The following KCNMA1 variants were observed in gnomAD, a reference collection of about 807,000 sequenced individuals.
KCNMA1 encodes potassium calcium-activated channel subfamily M alpha 1, also known as Calcium-activated potassium channel subunit alpha-1.
A neutral mutation model predicts 140.0 loss-of-function variants in KCNMA1; 29 were observed. That is an observed-to-expected ratio of 0.21 (90% CI 0.15 to 0.28). The LOEUF is 0.28. Ranked by LOEUF, KCNMA1 falls within the 10% of genes least tolerant of loss-of-function variation. KCNMA1 has a pLI of 1.00. For missense variants in KCNMA1, 880 were observed against 1,602.2 expected, an observed-to-expected ratio of 0.55 and a Z score of 7.70; for synonymous variants, 612 against 611.9, an observed-to-expected ratio of 1.00 and a Z score of 0.00.
chr10:77,089,577 A>G (rs2096768451), intron 10 of KCNMA1, among the ~76,000 whole-genome samples: 1 of 152,208 alleles, frequency 6.6e-6, no homozygotes, highest in Non-Finnish European at 1.5e-5. Flanking sequence ...AACATACAAG[A>G]TAAGACCTAC....
chr10:77,020,872 C>T (rs753220492), intron 16 of KCNMA1: 8 of 152,066 alleles, frequency 5.3e-5, no homozygotes, highest in Non-Finnish European at 7.4e-5. Context: ...AGCTGTTTGA[C>T]TTTGGGCCAG....
At chr10:77,289,342 T>A (rs2072298862) in intron 2 of KCNMA1, among the ~76,000 whole-genome samples, 1 of 152,132 alleles carries the variant, frequency 6.6e-6, no homozygotes, top group Non-Finnish European at 1.5e-5. Flanking sequence ...CACATGTCAC[T>A]AAGTCCCTAA....
chr10:77,513,360 C>A (rs776712051), intron 1 of KCNMA1, among the ~76,000 whole-genome samples: 11 of 152,202 alleles, frequency 7.2e-5, no homozygotes, highest in Non-Finnish European at 1.2e-4. Flanking sequence ...CATCATCTCA[C>A]GCTATTGTCT....
rs1198155356 is a variant in KCNMA1 at position 76,977,599 on chromosome 10, T to C, written c.2267-7532A>G. On this transcript the variant is annotated intron_variant, in intron 19 of 27. Coordinates refer to ENST00000286628, the MANE Select transcript of KCNMA1 (RefSeq NM_001161352.2). ...GTAGTTTAATCTTCTCACATTTCCC[T>C]TGCTTTCCAGTCTCCACAAAGAACA... 6 of 702,974 alleles carry C rather than the reference T, an allele frequency of 8.5e-6. No individual in the cohort carries two copies. In the Admixed American group the frequency reaches 1.0e-4, roughly 12 times the overall value. 43.5% of individuals were successfully genotyped at this position (702,974 alleles called of 1,614,324 possible).
intron 1 of KCNMA1, among the ~76,000 whole-genome samples, chr10:77,592,593 T>C (rs1306070145): frequency 2.6e-5 from 4 of 152,192 alleles, no homozygotes; most frequent in African/African-American, 7.2e-5. Flanking sequence ...TGAGGTGCAG[T>C]TGGCATCCTT....
intron 1 of KCNMA1, among the ~76,000 whole-genome samples, chr10:77,482,388 A>C (rs1464403858): frequency 2.0e-5 from 3 of 152,274 alleles, no homozygotes; most frequent in Non-Finnish European, 4.4e-5. Context: ...CTGTGGGGAC[A>C]GGAGGCTTAG....
chr10:77,223,309 A>G (rs544778094), intron 3 of KCNMA1, among the ~76,000 whole-genome samples: 2 of 151,884 alleles, frequency 1.3e-5, no homozygotes, highest in South Asian at 4.2e-4. Flanking sequence ...TGTGACACAC[A>G]GTGTATTGGC....
chr10:77,366,327 C>T (rs1274024981), intron 2 of KCNMA1, among the ~76,000 whole-genome samples: 1 of 152,080 alleles, frequency 6.6e-6, no homozygotes, highest in Non-Finnish European at 1.5e-5. Context: ...TGCCACCATG[C>T]CCAGCTAATT....
At chr10:77,634,887 T>C (rs1272742201) in intron 1 of KCNMA1, 1 of 153,200 alleles carries the variant, frequency 6.5e-6, no homozygotes, top group Non-Finnish European at 1.4e-5. Context: ...CGTTACTGCA[T>C]ATAATGAGCT....
intron 2 of KCNMA1, among the ~76,000 whole-genome samples, chr10:77,355,847 G>A (rs11002135): frequency 0.17 from 23,521 of 135,982 alleles, 2,591 homozygotes; most frequent in African/African-American, 0.34. Flanking sequence ...CTGGTAAAAG[G>A]AGAAGGCAGA....
At chr10:77,457,535 T>C (rs966153095) in intron 1 of KCNMA1, among the ~76,000 whole-genome samples, 90 of 152,276 alleles carry the variant, frequency 5.9e-4, no homozygotes, top group Non-Finnish European at 3.1e-4. Flanking sequence ...CTTCCCCCTC[T>C]AGCCCTAGGA....
At chr10:76,935,490 T>A in intron 23 of KCNMA1, among the ~76,000 whole-genome samples, 1 of 152,188 alleles carries the variant, frequency 6.6e-6, no homozygotes, top group East Asian at 1.9e-4. Context: ...ATGGGAAAGG[T>A]ACCTAATTCC....
chr10:77,001,628 G>A, intron 18 of KCNMA1, 48 bp from the exon 19 acceptor site: 1 of 1,482,036 alleles, frequency 6.7e-7, no homozygotes, highest in Non-Finnish European at 9.2e-7. Context: ...GGCAATTAAT[G>A]GCAAGGTCAC....
chr10:77,182,409 G>T (rs1466030402), intron 5 of KCNMA1, among the ~76,000 whole-genome samples: 1 of 152,126 alleles, frequency 6.6e-6, no homozygotes, highest in Non-Finnish European at 1.5e-5. Context: ...CCAAATTGTG[G>T]TGCAATGTAA....
intron 2 of KCNMA1, among the ~76,000 whole-genome samples, chr10:77,367,734 C>T (rs1386297817): frequency 6.6e-6 from 1 of 152,190 alleles, no homozygotes; most frequent in Non-Finnish European, 1.5e-5. Context: ...CCACTAATAA[C>T]CACTAATCTG....
intron 3 of KCNMA1, among the ~76,000 whole-genome samples, chr10:77,209,660 C>T (rs2045356283): frequency 6.6e-6 from 1 of 152,118 alleles, no homozygotes; most frequent in East Asian, 1.9e-4. Flanking sequence ...TGCTAGACAG[C>T]TGGCCAGATT....
chr10:77,047,358 C>A (rs1239700453), intron 14 of KCNMA1, among the ~76,000 whole-genome samples: 1 of 152,166 alleles, frequency 6.6e-6, no homozygotes, highest in Non-Finnish European at 1.5e-5. Context: ...AATCAACCCA[C>A]ACGAGGTGTT....
At chr10:77,110,081 A>T in intron 8 of KCNMA1, 92 bp downstream of exon 8, 1 of 1,131,800 alleles carries the variant, frequency 8.8e-7, no homozygotes, top group Non-Finnish European at 1.3e-6. Flanking sequence ...CTAGTGCAGA[A>T]TACAGTCTAA....
At chr10:77,629,641 T>C (rs1171862027) in intron 1 of KCNMA1, among the ~76,000 whole-genome samples, 2 of 152,250 alleles carry the variant, frequency 1.3e-5, no homozygotes, top group East Asian at 1.9e-4. Context: ...TCATATTCCA[T>C]GAGAAGATAA....
Sources: allele counts gnomAD v4.1 joint callset (sites outside exome capture counted in the v4.1 genomes callset), GRCh38; gene constraint gnomAD v4.1.1; transcripts MANE v1.5; gene names NCBI Gene and HGNC (gene_info 2026-07-23, HGNC 2026-07-21).